The following SPOCK3 variants were observed in gnomAD, a reference collection of about 807,000 sequenced individuals.
SPOCK3 encodes testican-3.
A neutral mutation model predicts 56.6 loss-of-function variants in SPOCK3; 30 were observed. That is an observed-to-expected ratio of 0.53 (90% CI 0.40 to 0.72). The LOEUF is 0.72. Among genes scored for constraint, SPOCK3 ranks in the 30% least tolerant of loss-of-function variants. The pLI, the probability that SPOCK3 is intolerant of heterozygous loss-of-function variation, is 0.00. For missense variants in SPOCK3, 527 were observed against 530.0 expected (o/e 0.99, Z 0.06); for synonymous variants, 196 against 183.3 (o/e 1.07, Z -0.56).
At chr4:166,771,229 G>T (rs1009763612) in intron 7 of SPOCK3, among the ~76,000 whole-genome samples, 25 of 151,060 alleles carry the variant, frequency 1.7e-4, no homozygotes, top group Non-Finnish European at 2.7e-4. Flanking sequence ...ATATTTGAAG[G>T]GTATATATAT....
At chr4:166,993,240 A>G (rs1271534020) in intron 4 of SPOCK3, among the ~76,000 whole-genome samples, 10 of 152,174 alleles carry the variant, frequency 6.6e-5, no homozygotes, top group African/African-American at 9.6e-5. Context: ...CAGTGGAGAA[A>G]TAAAATCTCT....
intron 2 of SPOCK3, among the ~76,000 whole-genome samples, chr4:167,088,527 T>C (rs1896482): frequency 0.91 from 135,398 of 148,270 alleles, 61,973 homozygotes; most frequent in East Asian, 0.99. Flanking sequence ...TGCTGTGGCA[T>C]GATCTTGGTT....
chr4:166,873,323 A>G (rs1732694194), intron 6 of SPOCK3, among the ~76,000 whole-genome samples: 1 of 152,140 alleles, frequency 6.6e-6, no homozygotes, highest in Non-Finnish European at 1.5e-5. Context: ...ACAATGACTG[A>G]TACTTGTCAT....
intron 5 of SPOCK3, among the ~76,000 whole-genome samples, chr4:166,899,033 A>C (rs966373249): frequency 1.3e-5 from 2 of 151,842 alleles, no homozygotes; most frequent in Non-Finnish European, 2.9e-5. Context: ...TGAGACATCT[A>C]TCTTCTGCCC....
chr4:166,852,113 C>T (rs914761137), intron 6 of SPOCK3, among the ~76,000 whole-genome samples: 4 of 150,376 alleles, frequency 2.7e-5, no homozygotes, highest in Non-Finnish European at 1.5e-5. Context: ...CACATGGACA[C>T]AGGAAGGGGA....
chr4:167,060,896 A>G (rs886849897), intron 3 of SPOCK3, among the ~76,000 whole-genome samples: 2 of 152,090 alleles, frequency 1.3e-5, no homozygotes, highest in Admixed American at 6.6e-5. Context: ...TTGCAGGGTT[A>G]TAACAACTAA....
At chr4:166,940,701 C>T (rs1028943757) in intron 4 of SPOCK3, among the ~76,000 whole-genome samples, 11 of 150,266 alleles carry the variant, frequency 7.3e-5, no homozygotes, top group African/African-American at 2.7e-4. Flanking sequence ...GCACCCAGAA[C>T]CTAAGACAGC....
chr4:166,751,565 G>A (rs1296448203), intron 8 of SPOCK3, among the ~76,000 whole-genome samples: 1 of 152,098 alleles, frequency 6.6e-6, no homozygotes, highest in African/African-American at 2.4e-5. Flanking sequence ...TGAAGTTATT[G>A]AATATGAATA....
At chr4:166,991,343 ATATTTATTTATT>A (rs5863850) in intron 4 of SPOCK3, among the ~76,000 whole-genome samples, 88 of 142,904 alleles carry the variant, frequency 6.2e-4, no homozygotes, top group Admixed American at 2.4e-3. Flanking sequence ...TTTTGTTTTT[ATATTTATTTATT>A]TATTTATTTA....
intron 3 of SPOCK3, among the ~76,000 whole-genome samples, chr4:167,049,184 A>C (rs778146336): frequency 6.6e-6 from 1 of 151,482 alleles, no homozygotes; most frequent in Non-Finnish European, 1.5e-5. Flanking sequence ...AGCTCACTGC[A>C]ACCTCTGCCT....
chr4:167,210,979 C>T (rs1425116262), intron 2 of SPOCK3, among the ~76,000 whole-genome samples: 1 of 152,088 alleles, frequency 6.6e-6, no homozygotes, highest in Non-Finnish European at 1.5e-5. Flanking sequence ...GGTTTAATTG[C>T]TAAACAATGA....
intron 3 of SPOCK3, among the ~76,000 whole-genome samples, chr4:167,055,120 T>C (rs1325985631): frequency 6.6e-6 from 1 of 152,124 alleles, no homozygotes; most frequent in Non-Finnish European, 1.5e-5. Context: ...AATGTAAGTT[T>C]TTCTTCACTT....
At chr4:166,772,954 A>G (rs758616623) in intron 7 of SPOCK3, among the ~76,000 whole-genome samples, 43 of 152,016 alleles carry the variant, frequency 2.8e-4, no homozygotes, top group Middle Eastern at 3.2e-3. Context: ...ATGCCTGGCT[A>G]ATTTTTTATT....
rs577008305 is a variant in SPOCK3 at position 167,188,997 on chromosome 4, C to T, written c.189+44988G>A. Among the ~76,000 whole-genome samples the T allele has an allele frequency of 6.2e-5, 9 of 145,896 alleles. No homozygotes were observed. In the South Asian group the frequency reaches 8.5e-4, roughly 14 times the overall value. On this transcript the variant is annotated intron_variant, in intron 2 of 10. Transcript: ENST00000357545. ...AACTCCAGGCTTCACTGTTGAAGTC[C>T]GTCAAACATTTCAGAATGAATAGTA...
chr4:167,041,509 T>G (rs1753231613), intron 3 of SPOCK3, among the ~76,000 whole-genome samples: 1 of 152,148 alleles, frequency 6.6e-6, no homozygotes, highest in Admixed American at 6.6e-5. Context: ...AACCCTAAAT[T>G]ATTCCCAGTT....
chr4:167,065,227 T>C (rs1756015637), intron 2 of SPOCK3, among the ~76,000 whole-genome samples: 1 of 151,622 alleles, frequency 6.6e-6, no homozygotes, highest in African/African-American at 2.4e-5. Flanking sequence ...AGTCCATTCA[T>C]GTAAACATCA....
intron 3 of SPOCK3, among the ~76,000 whole-genome samples, chr4:167,008,987 C>G (rs903035951): frequency 1.3e-5 from 2 of 151,902 alleles, no homozygotes; most frequent in African/African-American, 4.8e-5. Context: ...CCCCAGAATC[C>G]ATAACAATTA....
intron 2 of SPOCK3, among the ~76,000 whole-genome samples, chr4:167,116,875 T>C (rs1761456983): frequency 7.4e-6 from 1 of 135,684 alleles, no homozygotes; most frequent in South Asian, 2.3e-4. Context: ...ATAGATATAC[T>C]TTTGTATATA....
At chr4:167,114,052 T>A (rs1761131930) in intron 2 of SPOCK3, among the ~76,000 whole-genome samples, 1 of 152,130 alleles carries the variant, frequency 6.6e-6, no homozygotes. Context: ...CTTCCCTTTT[T>A]AATTGTATTC....
Sources: allele counts gnomAD v4.1 joint callset (sites outside exome capture counted in the v4.1 genomes callset), GRCh38; gene constraint gnomAD v4.1.1; transcripts MANE v1.5; gene names NCBI Gene and HGNC (gene_info 2026-07-23, HGNC 2026-07-21).